The following CSMD2 variants were observed in gnomAD, a reference collection of about 807,000 sequenced individuals.
The protein encoded by CSMD2 is CUB and Sushi multiple domains 2.
Under a neutral mutation model 398.5 loss-of-function variants are expected in CSMD2, and 130 were observed. That is an observed-to-expected ratio of 0.33 (90% CI 0.28 to 0.38). CSMD2 has a LOEUF of 0.38. Ranked by LOEUF, CSMD2 falls within the 10% of genes least tolerant of loss-of-function variation. The pLI, the probability that CSMD2 is intolerant of heterozygous loss-of-function variation, is 1.00. For missense variants in CSMD2, 3,829 were observed against 4,764.9 expected (o/e 0.80, Z 5.78); for synonymous variants, 1,828 against 1,908.5 (o/e 0.96, Z 1.10).
At chr1:33,739,072 C>T in intron 15 of CSMD2, 68 bp downstream of exon 15, 12 of 1,488,632 alleles carry the variant, frequency 8.1e-6, no homozygotes, top group Non-Finnish European at 1.1e-5. Flanking sequence ...ATGGCCTGGG[C>T]TGCTTGCTCC....
rs555265699 is a variant in CSMD2, at chr1:33,915,648, T to C, written c.920+2446A>G. ...AAGCTGTAGGAGACCATTTGGCCCA[T>C]GGATAAACAAGTGAGTCGAAAAGGC... On this transcript the variant is annotated intron_variant, in intron 5 of 70. Transcript: ENST00000373381. Among the ~76,000 whole-genome samples the C allele has an allele frequency of 3.0e-3, 461 of 152,252 alleles. 3 individuals are homozygous for C. The highest frequency in any genetic ancestry group is 0.011 in the African/African-American group (441 of 41,558).
At chr1:34,030,010 A>G (rs1307172696) in intron 3 of CSMD2, among the ~76,000 whole-genome samples, 2 of 152,238 alleles carry the variant, frequency 1.3e-5, no homozygotes, top group Non-Finnish European at 2.9e-5. Context: ...ATGTTTTGCA[A>G]TCTCTTTTGA....
chr1:33,625,597 A>G (rs1570990333), intron 33 of CSMD2, among the ~76,000 whole-genome samples: 1 of 151,882 alleles, frequency 6.6e-6, no homozygotes, highest in African/African-American at 2.4e-5. Flanking sequence ...TTCCTCCTCT[A>G]CCTTCAGGGC....
intron 48 of CSMD2, among the ~76,000 whole-genome samples, chr1:33,577,761 T>C (rs1638392284): frequency 6.6e-6 from 1 of 151,928 alleles, no homozygotes; most frequent in South Asian, 2.1e-4. Context: ...GTAGATCTGG[T>C]GTATGGCTAA....
At chr1:33,990,823 T>C (rs538212615) in intron 3 of CSMD2, among the ~76,000 whole-genome samples, 99 of 152,308 alleles carry the variant, frequency 6.5e-4, no homozygotes, top group African/African-American at 2.3e-3. Flanking sequence ...TCCTGTCTCC[T>C]CCAGATTAGG....
intron 53 of CSMD2, among the ~76,000 whole-genome samples, chr1:33,561,625 C>T (rs1658551923): frequency 6.6e-6 from 1 of 152,160 alleles, no homozygotes; most frequent in African/African-American, 2.4e-5. Flanking sequence ...AGGGAAGCGG[C>T]TGTTAAACCC....
Position 33,624,271 on chromosome 1 carries a change from C to T in CSMD2, c.5625+248G>A, listed in dbSNP as rs895409037. 3.3e-5 allele frequency among the ~76,000 whole-genome samples: 5 copies of T among 152,310 alleles called. No homozygotes were observed. Among genetic ancestry groups the T allele is most frequent in the African/African-American group, 7.2e-5 (3 of 41,560 alleles). On this transcript the variant is annotated intron_variant, in intron 35 of 70. Transcript: ENST00000373381. This position sits in a 1 kb window ranked among gnomAD's most constrained non-coding sequence, Gnocchi z 4.7. ...CACCTCTCCTCCTTCCTGGGTTACC[C>T]GACTCCCACCGCATGTCCCTGAAGC... is the stretch of plus-strand genomic sequence containing the variant.
intron 2 of CSMD2, among the ~76,000 whole-genome samples, chr1:34,051,865 A>T (rs1653208286): frequency 6.6e-6 from 1 of 152,154 alleles, no homozygotes; most frequent in South Asian, 2.1e-4. Flanking sequence ...GTTAAACATT[A>T]TTCTGGGTGT....
chr1:33,928,277 T>C (rs2125309768), intron 4 of CSMD2, among the ~76,000 whole-genome samples: 1 of 152,304 alleles, frequency 6.6e-6, no homozygotes, highest in Middle Eastern at 3.4e-3. Context: ...GGCCTCAGTT[T>C]CCTCACTTGT....
chr1:33,605,783 C>A, intron 41 of CSMD2: 1 of 1,124,944 alleles, frequency 8.9e-7, no homozygotes, highest in South Asian at 1.4e-5. Flanking sequence ...AGACATTGCT[C>A]AATTGAACCT....
chr1:33,782,358 C>T (rs1447967404), intron 12 of CSMD2, among the ~76,000 whole-genome samples: 1 of 152,156 alleles, frequency 6.6e-6, no homozygotes, highest in East Asian at 1.9e-4. Flanking sequence ...GAGTAAGCTT[C>T]CAACTGAGCA....
intron 5 of CSMD2, among the ~76,000 whole-genome samples, chr1:33,848,750 A>G (rs566281534): frequency 1.3e-5 from 2 of 152,316 alleles, no homozygotes; most frequent in East Asian, 3.9e-4. Context: ...ATCCCATTTA[A>G]AATAGTTTAT....
rs755952714 is a variant in CSMD2 at position 33,600,888 on chromosome 1, C to G, written c.6833G>C (p.Gly2278Ala). ...ACCGGAGAAAGCTATGGCGAAGATC[C>G]CCCCTGTGGCTGCATCACGGTGGAA... is the stretch of plus-strand genomic sequence containing the variant. ...LKFHRDAATGGIFAIAFSAYP... is the reference protein window; with the variant it reads ...LKFHRDAATGAIFAIAFSAYP... Residue 2278 changes from glycine to alanine, a missense_variant, in exon 44 of 71, where the codon GGG becomes GCG. By Grantham distance (60) the Gly-to-Ala change is moderately conservative. This residue lies in a region of CSMD2 where 723 missense variants were observed against 758.6 expected (regional missense o/e 0.95). Coordinates refer to ENST00000373381, the MANE Select transcript of CSMD2 (RefSeq NM_001281956.2). 7 of 1,614,004 alleles carry G rather than the reference C, an allele frequency of 4.3e-6. No homozygotes were observed. The African/African-American group carries it at 8.0e-5, about 18-fold the overall frequency.
intron 5 of CSMD2, among the ~76,000 whole-genome samples, chr1:33,876,896 A>C (rs1176870730): frequency 6.6e-6 from 1 of 152,208 alleles, no homozygotes; most frequent in Non-Finnish European, 1.5e-5. Flanking sequence ...TCCTTTTAGA[A>C]GGTCAAAACA....
Position 33,739,334 on chromosome 1 carries a change from G to A in CSMD2, c.2174C>T (p.Thr725Ile). 1 of 1,611,742 alleles carries A rather than the reference G, an allele frequency of 6.2e-7. No individual in the cohort carries two copies. The highest frequency in any genetic ancestry group is 8.5e-7 in the Non-Finnish European group (1 of 1,178,806). ...GKRGFNITFTTFRHNECPDPG... is the reference protein window; with the variant it reads ...GKRGFNITFTIFRHNECPDPG... ...ATCCGGGCACTCGTTGTGTCGGAAG[G>A]CTGTGTAGATGGAGTTCAAGGACAT... The change falls in exon 15 of 71, where the codon ACC becomes ATC. Residue 725 changes from threonine (T) to isoleucine (I), a missense_variant and splice_region_variant. Thr to Ile is a moderately conservative substitution (Grantham distance 89, BLOSUM62 -1). Transcript: ENST00000373381.
At chr1:33,538,703 G>A (rs928282518) in intron 60 of CSMD2, among the ~76,000 whole-genome samples, 1 of 152,218 alleles carries the variant, frequency 6.6e-6, no homozygotes. Context: ...AGAGCAACCA[G>A]CGTGGCCTTT....
At chr1:33,580,076 T>C (rs757317849) in intron 48 of CSMD2, among the ~76,000 whole-genome samples, 17 of 152,166 alleles carry the variant, frequency 1.1e-4, no homozygotes, top group Admixed American at 3.9e-4. Flanking sequence ...TGGTGTGTGA[T>C]GGAACCCCCC....
At chr1:33,976,303 C>T (rs914724053) in intron 3 of CSMD2, among the ~76,000 whole-genome samples, 35 of 152,310 alleles carry the variant, frequency 2.3e-4, no homozygotes, top group African/African-American at 8.2e-4. Flanking sequence ...TGGGTTTAAA[C>T]AAAGGCTGAT....
intron 52 of CSMD2, 78 bp from the exon 53 acceptor site, chr1:33,567,919 A>G (rs1411869338): frequency 2.0e-6 from 3 of 1,484,222 alleles, no homozygotes; most frequent in African/African-American, 1.4e-5. Flanking sequence ...TGAGAGTAGC[A>G]ATCTAGGAGT....
Sources: gnomAD v4.1 joint callset for allele counts (sites outside exome capture counted in the v4.1 genomes callset) on GRCh38, gnomAD v4.1.1 for gene constraint, gnomAD v4.1.1 regional missense constraint, Gnocchi (gnomAD v3.1) non-coding constraint, MANE v1.5 for transcripts, NCBI Gene and HGNC (gene_info 2026-07-23, HGNC 2026-07-21) for gene names.